The following GRIN3A variants were observed in gnomAD, a reference collection of about 807,000 sequenced individuals.
GRIN3A encodes the protein glutamate ionotropic receptor NMDA type subunit 3A.
GRIN3A carries 47 observed loss-of-function variants against 92.4 expected under a neutral mutation model. The observed-to-expected ratio is 0.51, with a 90% CI of 0.40 to 0.65. The LOEUF is 0.65. Ranked by LOEUF, GRIN3A falls within the 30% of genes least tolerant of loss-of-function variation. The probability of loss-of-function intolerance (pLI) is 0.00; values close to 1 mark genes in which losing one functional copy is unlikely to be tolerated. For synonymous variants in GRIN3A, 527 were observed against 540.6 expected, an observed-to-expected ratio of 0.97 and a Z score of 0.35; for missense variants, 1,324 against 1,393.1, an observed-to-expected ratio of 0.95 and a Z score of 0.79.
intron 1 of GRIN3A, among the ~76,000 whole-genome samples, chr9:101,708,152 T>G (rs1564149408): frequency 6.6e-6 from 1 of 152,174 alleles, no homozygotes. Context: ...TAAAATATTT[T>G]TCAATCAGAA....
At chr9:101,649,501 T>C (rs1828982951) in intron 3 of GRIN3A, among the ~76,000 whole-genome samples, 1 of 151,916 alleles carries the variant, frequency 6.6e-6, no homozygotes. Flanking sequence ...GTGGGGAGAA[T>C]GAATCTACGC....
intron 3 of GRIN3A, among the ~76,000 whole-genome samples, chr9:101,656,645 C>A (rs754385171): frequency 4.6e-5 from 7 of 151,964 alleles, no homozygotes; most frequent in Middle Eastern, 6.8e-3. Context: ...GAGATTGGGT[C>A]TGAGATTCTA....
chr9:101,643,015 A>G (rs1828886634), intron 3 of GRIN3A, among the ~76,000 whole-genome samples: 1 of 152,242 alleles, frequency 6.6e-6, no homozygotes, highest in African/African-American at 2.4e-5. Flanking sequence ...TAATAATAGA[A>G]ATAAAGTGCA....
At chr9:101,677,847 A>C (rs1829419622) in intron 2 of GRIN3A, among the ~76,000 whole-genome samples, 1 of 152,170 alleles carries the variant, frequency 6.6e-6, no homozygotes. Context: ...TTGAGCTTAC[A>C]TGTGAAATGA....
intron 1 of GRIN3A, among the ~76,000 whole-genome samples, chr9:101,726,226 T>C (rs906522828): frequency 2.0e-5 from 3 of 152,194 alleles, no homozygotes; most frequent in African/African-American, 7.2e-5. Flanking sequence ...ATAAGAAATG[T>C]AGTCAGATAA....
chr9:101,662,215 T>C (rs1829180124), intron 3 of GRIN3A, among the ~76,000 whole-genome samples: 1 of 151,854 alleles, frequency 6.6e-6, no homozygotes, highest in Admixed American at 6.6e-5. Flanking sequence ...GCAAGAAATT[T>C]GTCTCCAAAC....
intron 3 of GRIN3A, among the ~76,000 whole-genome samples, chr9:101,630,711 A>G (rs1456053572): frequency 6.6e-6 from 1 of 152,158 alleles, no homozygotes; most frequent in African/African-American, 2.4e-5. Flanking sequence ...ATCTTACAAG[A>G]TAGATGTTAT....
chr9:101,703,330 T>C (rs932465604), intron 1 of GRIN3A, among the ~76,000 whole-genome samples: 1 of 152,198 alleles, frequency 6.6e-6, no homozygotes, highest in Non-Finnish European at 1.5e-5. Context: ...TGCTGCTCCA[T>C]CTGAGTGGAA....
intron 6 of GRIN3A, among the ~76,000 whole-genome samples, chr9:101,591,131 C>T (rs1003493574): frequency 1.3e-4 from 20 of 152,198 alleles, no homozygotes; most frequent in African/African-American, 3.6e-4. Context: ...TATTGGTTTG[C>T]GTTATCGGTT....
intron 2 of GRIN3A, among the ~76,000 whole-genome samples, chr9:101,686,101 T>C (rs954470259): frequency 1.3e-5 from 2 of 152,218 alleles, no homozygotes; most frequent in African/African-American, 4.8e-5. Flanking sequence ...CTTGCTTGAC[T>C]AATTTTTTCT....
At chr9:101,622,064 C>T (rs529223476) in intron 5 of GRIN3A, among the ~76,000 whole-genome samples, 51 of 152,304 alleles carry the variant, frequency 3.3e-4, no homozygotes, top group African/African-American at 1.1e-3. Context: ...TTCTGAGTTC[C>T]ATCCCTGCTT....
At chr9:101,703,343 T>G (rs1052738498) in intron 1 of GRIN3A, among the ~76,000 whole-genome samples, 11 of 152,174 alleles carry the variant, frequency 7.2e-5, no homozygotes, top group African/African-American at 2.7e-4. Flanking sequence ...GAGTGGAACC[T>G]TCTTCCTCTA....
chr9:101,601,429 A>G (rs745789229), intron 6 of GRIN3A, among the ~76,000 whole-genome samples: 25 of 152,242 alleles, frequency 1.6e-4, no homozygotes, highest in Non-Finnish European at 3.2e-4. Context: ...AAACAATGAC[A>G]TCTACAAATG....
chr9:101,621,665 C>G (rs1488387703), intron 5 of GRIN3A, among the ~76,000 whole-genome samples: 1 of 152,152 alleles, frequency 6.6e-6, no homozygotes. Context: ...GAAATGTAAA[C>G]AGGAAACCAG....
chr9:101,601,395 C>T (rs1029231191), intron 6 of GRIN3A, among the ~76,000 whole-genome samples: 1 of 152,126 alleles, frequency 6.6e-6, no homozygotes, highest in Non-Finnish European at 1.5e-5. Context: ...GGACAAGAGA[C>T]CAGTATCTGG....
chr9:101,596,840 A>G (rs879898835), intron 6 of GRIN3A, among the ~76,000 whole-genome samples: 1 of 152,224 alleles, frequency 6.6e-6, no homozygotes, highest in Admixed American at 6.5e-5. Flanking sequence ...TGAGGATCCC[A>G]CTGGGTTTAA....
At chr9:101,664,962 C>G (rs571591199) in intron 3 of GRIN3A, among the ~76,000 whole-genome samples, 2 of 151,976 alleles carry the variant, frequency 1.3e-5, no homozygotes, top group African/African-American at 4.8e-5. Context: ...GATCACAAAT[C>G]TTACCTTGTA....
At chr9:101,661,015 A>G (rs1003331243) in intron 3 of GRIN3A, among the ~76,000 whole-genome samples, 1 of 151,874 alleles carries the variant, frequency 6.6e-6, no homozygotes, top group African/African-American at 2.4e-5. Context: ...AGATTGCATG[A>G]CAATTACAGA....
rs12346815 is a variant in GRIN3A, at chr9:101,681,283, T to C, written c.1304+5313A>G. On this transcript the variant is annotated intron_variant, in intron 2 of 8. Transcript: ENST00000361820. ...TTTATATCCTAATGTTTAAAAAAAA[T>C]TACTTGCAAAGCTTTTATACTGTAT... 7.3e-3 allele frequency among the ~76,000 whole-genome samples: 1,110 copies of C among 152,320 alleles called. 12 individuals are homozygous for C. Among genetic ancestry groups the C allele is most frequent in the African/African-American group, 0.026 (1,071 of 41,556 alleles).
Sources: gnomAD v4.1 joint callset for allele counts (sites outside exome capture counted in the v4.1 genomes callset) on GRCh38, gnomAD v4.1.1 for gene constraint, MANE v1.5 for transcripts, NCBI Gene and HGNC (gene_info 2026-07-23, HGNC 2026-07-21) for gene names.